Variants in INKA1 observed in about 807,000 individuals in gnomAD.
INKA1 encodes the protein inka box actin regulator 1.
A neutral mutation model predicts 21.3 loss-of-function variants in INKA1; 14 were observed. That is an observed-to-expected ratio of 0.66 (90% confidence interval 0.43 to 1.03). The LOEUF (loss-of-function observed/expected upper bound fraction) is 1.03. Ranked by LOEUF, INKA1 falls within the 50% of genes least tolerant of loss-of-function variation. The pLI is 0.00. For missense variants in INKA1, 353 were observed against 379.0 expected (o/e 0.93, Z 0.57); for synonymous variants, 133 against 143.3 (o/e 0.93, Z 0.51).
chr3:49,804,536 G>T lies in INKA1; in HGVS notation c.407G>T (p.Ser136Ile). The T allele has an allele frequency of 6.2e-7, 1 of 1,613,394 alleles. No homozygotes were observed. The highest frequency in any genetic ancestry group is 8.5e-7 in the Non-Finnish European group (1 of 1,180,012). The change falls in exon 2 of 2, where the codon AGC becomes ATC. Residue 136 changes from serine to isoleucine, a missense_variant. Transcript: ENST00000333323. This position sits in a 1 kb window ranked among gnomAD's most constrained non-coding sequence, Gnocchi z 6.7. ...TCAGTCAGTGGCCTCCCCATGCCCA[G>T]CAGGGCCCCTGTAGCCAGTGTACCA... The part of the protein sequence containing the change: ...CLSVSGLPMP[S>I]RAPVASVPPV...
Position 49,804,740 on chromosome 3 carries a change from C to T in INKA1, c.611C>T (p.Thr204Ile). ...LVHNWMELPE[T>I]GSEGGDGGGH... ...CACAACTGGATGGAGCTGCCTGAGA[C>T]AGGGAGTGAAGGGGGTGACGGAGGT... Residue 204 changes from threonine to isoleucine, a missense_variant, in exon 2 of 2, where the codon ACA becomes ATA. Transcript: ENST00000333323. The surrounding 1 kb of genome is among the most constrained non-coding windows in gnomAD (Gnocchi z 6.7). The T allele has an allele frequency of 6.2e-7, 1 of 1,613,314 alleles. No individual in the cohort carries two copies. Among genetic ancestry groups the T allele is most frequent in the Admixed American group, 1.7e-5 (1 of 60,026 alleles).
chr3:49,803,374 T>C lies in INKA1; in HGVS notation c.-19T>C. 1 of 1,516,604 alleles carries C rather than the reference T, an allele frequency of 6.6e-7. No homozygotes were observed. The highest frequency in any genetic ancestry group is 2.3e-5 in the Admixed American group (1 of 42,984). The allele number at this position is 1,516,604 out of a possible 1,614,324, so 93.9% of individuals were successfully genotyped here. A position where few individuals can be genotyped will look rare whatever the true frequency, so the allele number is the denominator to read the frequency against. The stretch of plus-strand genomic sequence containing the variant: ...TTCCAAGAGGAGCTAGTAGGTTCGG[T>C]GGGGGCCCTGGCATGGACATGCACA... On this transcript the variant is annotated 5_prime_UTR_variant, in exon 1 of 2. Transcript: ENST00000333323. The surrounding 1 kb of genome is among the most constrained non-coding windows in gnomAD (Gnocchi z 4.8).
Position 49,804,050 on chromosome 3 carries a change from C to T in INKA1, c.52-131C>T. Reference sequence around the variant, plus strand: ...AGCTTCGAGTGCCAGCACCCCTATGCCTGCCCTGTGCTCACTAACACCCTG... The same window carrying T: ...AGCTTCGAGTGCCAGCACCCCTATGTCTGCCCTGTGCTCACTAACACCCTG... On this transcript the variant is annotated intron_variant, in intron 1 of 1. Transcript: ENST00000333323. This position sits in a 1 kb window ranked among gnomAD's most constrained non-coding sequence, Gnocchi z 6.7. 1.3e-6 allele frequency: 1 copy of T among 749,624 alleles called. No homozygotes were observed. The highest frequency in any genetic ancestry group is 1.8e-5 in the South Asian group (1 of 57,074). 46.4% of individuals were successfully genotyped at this position (749,624 alleles called of 1,614,324 possible). A position where few individuals can be genotyped will look rare whatever the true frequency, so the allele number is the denominator to read the frequency against.
chr3:49,804,226 C>T lies in INKA1; in HGVS notation c.97C>T (p.Gln33Ter). 1 of 1,605,982 alleles carries T rather than the reference C, an allele frequency of 6.2e-7. No homozygotes were observed. Among genetic ancestry groups the T allele is most frequent in the African/African-American group, 1.3e-5 (1 of 74,948 alleles). ...TGSPSMPGPL[Q>*]PTSQTGPDVQ... ...CTCACCCTCAATGCCTGGTCCCCTG[C>T]AGCCAACCTCCCAAACTGGCCCAGA... Residue 33 changes from glutamine to a stop codon, truncating the protein, a stop_gained, in exon 2 of 2, where the codon CAG (glutamine) becomes TAG (stop). Coordinates refer to ENST00000333323, the MANE Select transcript of INKA1 (RefSeq NM_203370.2). LOFTEE classifies it high-confidence loss of function. This position sits in a 1 kb window ranked among gnomAD's most constrained non-coding sequence, Gnocchi z 6.7.
At position 49,803,591 on chromosome 3, in the gene INKA1, C is replaced by G; in HGVS notation, c.51+148C>G. ...GGCGTGGCGCATATGGCTCAGATGG[C>G]CCGCGTCGGGTTTCGGACGGTTGGG... On this transcript the variant is annotated intron_variant, in intron 1 of 1. Transcript: ENST00000333323. The surrounding 1 kb of genome is among the most constrained non-coding windows in gnomAD (Gnocchi z 4.8). 1.4e-5 allele frequency: 11 copies of G among 762,868 alleles called. No homozygotes were observed. The highest frequency in any genetic ancestry group is 1.9e-5 in the Non-Finnish European group (9 of 472,690). The allele number at this position is 762,868 out of a possible 1,614,324, so 47.3% of individuals were successfully genotyped here. A position where few individuals can be genotyped will look rare whatever the true frequency, so the allele number is the denominator to read the frequency against.
chr3:49,803,903 C>T lies in INKA1; in HGVS notation c.52-278C>T, dbSNP rs2081403386. ...TCCAGTCCTGGGCAGGACCTACTTCCCCGTTCAGGCCCGCAACCCTGCCTG... is the reference window on the plus strand; with the variant it reads ...TCCAGTCCTGGGCAGGACCTACTTCTCCGTTCAGGCCCGCAACCCTGCCTG... On this transcript the variant is annotated intron_variant, in intron 1 of 1. Coordinates refer to ENST00000333323, the MANE Select transcript of INKA1 (RefSeq NM_203370.2). This position sits in a 1 kb window ranked among gnomAD's most constrained non-coding sequence, Gnocchi z 4.8. Among the ~76,000 whole-genome samples the T allele has an allele frequency of 6.6e-6, 1 of 152,188 alleles. No individual in the cohort carries two copies. Among genetic ancestry groups the T allele is most frequent in the South Asian group, 2.1e-4 (1 of 4,832 alleles).
Position 49,803,503 on chromosome 3 carries a change from C to G in INKA1, c.51+60C>G. ...GCGTGCGGGATGCCAGGCTGCCGCCCGGCCGGAACAACAGACGGGTGCGGG... is the reference window on the plus strand; with the variant it reads ...GCGTGCGGGATGCCAGGCTGCCGCCGGGCCGGAACAACAGACGGGTGCGGG... On this transcript the variant is annotated intron_variant, in intron 1 of 1. Transcript: ENST00000333323. This position sits in a 1 kb window ranked among gnomAD's most constrained non-coding sequence, Gnocchi z 4.8. 6.7e-7 allele frequency: 1 copy of G among 1,498,974 alleles called. No individual in the cohort carries two copies. Among genetic ancestry groups the G allele is most frequent in the Non-Finnish European group, 9.0e-7 (1 of 1,109,880 alleles). The allele number at this position is 1,498,974 out of a possible 1,614,324, so 92.9% of individuals were successfully genotyped here.
In INKA1 at chr3:49,804,164, C is replaced by T; in HGVS notation, c.52-17C>T. ...ACAAGTGATACCTCTCCGACTTCTG[C>T]CCTCTCTTCCCCTCAGTTGTGTGGT... On this transcript the variant is annotated splice_polypyrimidine_tract_variant and intron_variant, in intron 1 of 1. Coordinates refer to ENST00000333323, the MANE Select transcript of INKA1 (RefSeq NM_203370.2). The surrounding 1 kb of genome is among the most constrained non-coding windows in gnomAD (Gnocchi z 6.7). The T allele has an allele frequency of 6.5e-7, 1 of 1,549,948 alleles. No individual in the cohort carries two copies. The highest frequency in any genetic ancestry group is 8.7e-7 in the Non-Finnish European group (1 of 1,145,736).
chr3:49,804,286 GC>G lies in INKA1; in HGVS notation c.159del (p.Leu54TrpfsTer21), dbSNP rs2081410217. 6.2e-7 allele frequency: 1 copy of G among 1,613,450 alleles called. No individual in the cohort carries two copies. The highest frequency in any genetic ancestry group is 1.7e-5 in the Admixed American group (1 of 59,992). ...QPSHQLRASGALEEDSVCCVE... is the reference protein window; with the variant it reads ...QPSHQLRASGXLEEDSVCCVE... ...CAGCCACCAGCTTAGGGCCTCGGGT[GC>G]CTTGGAAGAGGACTCAGTCTGCTGT... On this transcript the variant is annotated frameshift_variant, in exon 2 of 2. Transcript: ENST00000333323. LOFTEE classifies it high-confidence loss of function. The surrounding 1 kb of genome is among the most constrained non-coding windows in gnomAD (Gnocchi z 6.7).
At position 49,804,691 on chromosome 3, in the gene INKA1, G is replaced by C; in HGVS notation, c.562G>C (p.Asp188His). ...GRSRQPLVLG[D>H]NCFADLVHNW... ...CAGTCGCCAGCCCCTGGTACTAGGGGACAATTGCTTTGCTGACTTGGTGCA... is the reference window on the plus strand; with the variant it reads ...CAGTCGCCAGCCCCTGGTACTAGGGCACAATTGCTTTGCTGACTTGGTGCA... The change falls in exon 2 of 2, where the codon GAC becomes CAC. Residue 188 changes from aspartate (D) to histidine (H), a missense_variant. Transcript: ENST00000333323. This position sits in a 1 kb window ranked among gnomAD's most constrained non-coding sequence, Gnocchi z 6.7. The C allele has an allele frequency of 1.2e-6, 2 of 1,613,224 alleles. No homozygotes were observed. Among genetic ancestry groups the C allele is most frequent in the Non-Finnish European group, 1.7e-6 (2 of 1,180,036 alleles).
At position 49,804,498 on chromosome 3, in the gene INKA1, T is replaced by C. The variant is rs977866137; in HGVS notation, c.369T>C (p.Arg123=). The C allele has an allele frequency of 1.2e-6, 2 of 1,613,350 alleles. No homozygotes were observed. The highest frequency in any genetic ancestry group is 1.7e-6 in the Non-Finnish European group (2 of 1,179,990). Residue 123 remains arginine (R), a synonymous_variant, in exon 2 of 2, where the codon CGT becomes CGC. Transcript: ENST00000333323. The surrounding 1 kb of genome is among the most constrained non-coding windows in gnomAD (Gnocchi z 6.7). ...CAGCACCCTCAGCACAGCCCCTTCGTAGGCAGTGCCTCTCAGTCAGTGGCC... is the reference window on the plus strand; with the variant it reads ...CAGCACCCTCAGCACAGCCCCTTCGCAGGCAGTGCCTCTCAGTCAGTGGCC... ...QRPAPSAQPL[R]RQCLSVSGLP...
Position 49,803,388 on chromosome 3 carries a change from T to C in INKA1, c.-5T>C. ...AGTAGGTTCGGTGGGGGCCCTGGCA[T>C]GGACATGCACAGCGCTCGGCTTGAC... On this transcript the variant is annotated 5_prime_UTR_variant, in exon 1 of 2. The change abolishes an upstream ATG in the 5' untranslated region. Transcript: ENST00000333323. This position sits in a 1 kb window ranked among gnomAD's most constrained non-coding sequence, Gnocchi z 4.8. 1 of 1,530,646 alleles carries C rather than the reference T, an allele frequency of 6.5e-7. No individual in the cohort carries two copies. Among genetic ancestry groups the C allele is most frequent in the Non-Finnish European group, 8.7e-7 (1 of 1,142,912 alleles). The allele number at this position is 1,530,646 out of a possible 1,614,324, so 94.8% of individuals were successfully genotyped here.
Position 49,804,953 on chromosome 3 carries a change from A to G in INKA1, c.824A>G (p.Gln275Arg). 1 of 1,611,672 alleles carries G rather than the reference A, an allele frequency of 6.2e-7. No individual in the cohort carries two copies. The highest frequency in any genetic ancestry group is 1.1e-5 in the South Asian group (1 of 91,058). ...GCTCTCATGAGCTGTCGTAGCCGCC[A>G]GCCCATCATCTGCAATGATGTCAGC... is the stretch of plus-strand genomic sequence containing the variant. ...FAALMSCRSR[Q>R]PIICNDVSYL Residue 275 changes from glutamine to arginine, a missense_variant, in exon 2 of 2, where the codon CAG (glutamine) becomes CGG (arginine). Transcript: ENST00000333323. The surrounding 1 kb of genome is among the most constrained non-coding windows in gnomAD (Gnocchi z 6.7).
In INKA1 at chr3:49,803,371, C is replaced by T. The variant is rs1200544474; in HGVS notation, c.-22C>T. On this transcript the variant is annotated 5_prime_UTR_variant, in exon 1 of 2. Coordinates refer to ENST00000333323, the MANE Select transcript of INKA1 (RefSeq NM_203370.2). The surrounding 1 kb of genome is among the most constrained non-coding windows in gnomAD (Gnocchi z 4.8). ...GGGTTCCAAGAGGAGCTAGTAGGTT[C>T]GGTGGGGGCCCTGGCATGGACATGC... 2.6e-6 allele frequency: 4 copies of T among 1,512,740 alleles called. No homozygotes were observed. Among genetic ancestry groups the T allele is most frequent in the Non-Finnish European group, 3.5e-6 (4 of 1,134,172 alleles). 93.7% of individuals were successfully genotyped at this position (1,512,740 alleles called of 1,614,324 possible). A position where few individuals can be genotyped will look rare whatever the true frequency, so the allele number is the denominator to read the frequency against.
Position 49,803,407 on chromosome 3 carries a change from G to A in INKA1, c.15G>A (p.Arg5=), listed in dbSNP as rs753224861. 1.3e-6 allele frequency: 2 copies of A among 1,553,230 alleles called. No individual in the cohort carries two copies. Among genetic ancestry groups the A allele is most frequent in the South Asian group, 1.2e-5 (1 of 83,284 alleles). The part of the protein sequence containing the change: MHSA[R]LDSFLSQLRW... ...CTGGCATGGACATGCACAGCGCTCG[G>A]CTTGACAGCTTCCTTAGCCAGCTCC... is the stretch of plus-strand genomic sequence containing the variant. Residue 5 remains arginine (R), a synonymous_variant, in exon 1 of 2, where the codon CGG becomes CGA. Transcript: ENST00000333323. This position sits in a 1 kb window ranked among gnomAD's most constrained non-coding sequence, Gnocchi z 4.8.
Position 49,804,168 on chromosome 3 carries a change from C to T in INKA1, c.52-13C>T, listed in dbSNP as rs375329824. The T allele has an allele frequency of 7.1e-6, 11 of 1,555,338 alleles. No homozygotes were observed. The African/African-American group carries it at 1.4e-4, about 19-fold the overall frequency. Reference sequence around the variant, plus strand: ...GTGATACCTCTCCGACTTCTGCCCTCTCTTCCCCTCAGTTGTGTGGTCGGG... The same window carrying T: ...GTGATACCTCTCCGACTTCTGCCCTTTCTTCCCCTCAGTTGTGTGGTCGGG... On this transcript the variant is annotated splice_polypyrimidine_tract_variant and intron_variant, in intron 1 of 1. Coordinates refer to ENST00000333323, the MANE Select transcript of INKA1 (RefSeq NM_203370.2). The surrounding 1 kb of genome is among the most constrained non-coding windows in gnomAD (Gnocchi z 6.7).
In INKA1 at chr3:49,804,752, G is replaced by A; in HGVS notation, c.623G>A (p.Gly208Glu). The A allele has an allele frequency of 6.2e-7, 1 of 1,613,308 alleles. No homozygotes were observed. Among genetic ancestry groups the A allele is most frequent in the Non-Finnish European group, 8.5e-7 (1 of 1,180,024 alleles). The stretch of plus-strand genomic sequence containing the variant: ...GAGCTGCCTGAGACAGGGAGTGAAG[G>A]GGGTGACGGAGGTGGGCACCGTGCC... ...WMELPETGSE[G>E]GDGGGHRARA... The change falls in exon 2 of 2, where the codon GGG becomes GAG. Residue 208 changes from glycine (G) to glutamate (E), a missense_variant. Transcript: ENST00000333323. This position sits in a 1 kb window ranked among gnomAD's most constrained non-coding sequence, Gnocchi z 6.7.
rs375706968 is a variant in INKA1, at chr3:49,803,470, G to A, written c.51+27G>A. On this transcript the variant is annotated intron_variant, in intron 1 of 1. Transcript: ENST00000333323. The surrounding 1 kb of genome is among the most constrained non-coding windows in gnomAD (Gnocchi z 4.8). ...TGAGGCTCGGGAGCGGGTGTGGTTA[G>A]TGAGGACGCGTGCGGGATGCCAGGC... 1.2e-4 allele frequency: 192 copies of A among 1,542,180 alleles called. No homozygotes were observed. The highest frequency in any genetic ancestry group is 1.7e-4 in the Middle Eastern group (1 of 5,978).
Position 49,803,456 on chromosome 3 carries a change from A to G in INKA1, c.51+13A>G. ...CCGCTGGGAACTGGTGAGGCTCGGGAGCGGGTGTGGTTAGTGAGGACGCGT... is the reference window on the plus strand; with the variant it reads ...CCGCTGGGAACTGGTGAGGCTCGGGGGCGGGTGTGGTTAGTGAGGACGCGT... On this transcript the variant is annotated intron_variant, in intron 1 of 1. Transcript: ENST00000333323. The surrounding 1 kb of genome is among the most constrained non-coding windows in gnomAD (Gnocchi z 4.8). 6.4e-7 allele frequency: 1 copy of G among 1,552,078 alleles called. No homozygotes were observed. Among genetic ancestry groups the G allele is most frequent in the African/African-American group, 1.4e-5 (1 of 72,236 alleles).
Sources: gnomAD v4.1 joint callset for allele counts (sites outside exome capture counted in the v4.1 genomes callset) on GRCh38, gnomAD v4.1.1 for gene constraint, Gnocchi (gnomAD v3.1) non-coding constraint, MANE v1.5 for transcripts, NCBI Gene and HGNC (gene_info 2026-07-23, HGNC 2026-07-21) for gene names.